DDX19B: variants seen among roughly 807,000 people sequenced by gnomAD.
DDX19B encodes the protein DEAD-box helicase 19B, also known as ATP-dependent RNA helicase DDX19B.
DDX19B carries 27 observed loss-of-function variants against 58.1 expected under a neutral mutation model. The ratio of observed to expected loss-of-function variants is 0.46; its 90% CI spans 0.34 to 0.64. The LOEUF (loss-of-function observed/expected upper bound fraction) is 0.64. DDX19B is among the 30% of genes least tolerant of loss of function. The pLI is 0.01. For missense variants in DDX19B, 399 were observed against 596.5 expected, an observed-to-expected ratio of 0.67 and a Z score of 3.45; for synonymous variants, 187 against 214.4, an observed-to-expected ratio of 0.87 and a Z score of 1.12.
At chr16:70,295,226 C>G (rs1427028130), upstream of DDX19B, among the ~76,000 whole-genome samples, 1 of 152,152 alleles carries the variant, frequency 6.6e-6, no homozygotes, top group East Asian at 1.9e-4. Context: ...CGGAGTCTCA[C>G]AAAGCGCAGG....
intron 5 of DDX19B, among the ~76,000 whole-genome samples, chr16:70,321,015 T>C (rs1462116120): frequency 7.0e-6 from 1 of 142,304 alleles, no homozygotes; most frequent in Non-Finnish European, 1.5e-5. Context: ...CAGGCTGGAG[T>C]GCAATGGCGC....
intron 5 of DDX19B, among the ~76,000 whole-genome samples, chr16:70,322,521 G>A (rs1037318488): frequency 4.6e-5 from 7 of 151,354 alleles, no homozygotes; most frequent in Admixed American, 2.6e-4. Flanking sequence ...TCCGCATAGT[G>A]GCGGTTGCAG....
At chr16:70,311,260 G>C (rs1159552621) in intron 1 of DDX19B, among the ~76,000 whole-genome samples, 1 of 151,690 alleles carries the variant, frequency 6.6e-6, no homozygotes, top group Non-Finnish European at 1.5e-5. Flanking sequence ...GGCGCCTGTA[G>C]TCTCAGCTGC....
chr16:70,334,688 T>C lies in DDX19B; in HGVS notation c.*1106T>C, dbSNP rs1004137969. The C allele has an allele frequency of 5.9e-5, 9 of 152,224 alleles. No homozygotes were observed. Among genetic ancestry groups the C allele is most frequent in the Admixed American group, 1.3e-4 (2 of 15,274 alleles). The allele number at this position is 152,224 out of a possible 1,614,324, so 9.4% of individuals were successfully genotyped here. On this transcript the variant is annotated 3_prime_UTR_variant, in exon 12 of 12. Coordinates refer to ENST00000288071, the MANE Select transcript of DDX19B (RefSeq NM_007242.7). Reference sequence around the variant, plus strand: ...GGTGCAACTGAGGGACTAGCTACACTACCACCATTTATCTGTCCAAGGCAA... The same window carrying C: ...GGTGCAACTGAGGGACTAGCTACACCACCACCATTTATCTGTCCAAGGCAA...
Position 70,314,921 on chromosome 16 carries a change from T to C in DDX19B, c.126T>C (p.Asn42=). Residue 42 remains asparagine (N), a synonymous_variant, in exon 3 of 12, where the codon AAT becomes AAC. Transcript: ENST00000288071. ...ATAAAGGTGCTGTTGTCAAGACCAA[T>C]GCCAATGCAGAGAAGACAGATGAAG... is the stretch of plus-strand genomic sequence containing the variant. The part of the protein sequence containing the change: ...PDTNGAVVKT[N]ANAEKTDEEE... The C allele has an allele frequency of 6.2e-7, 1 of 1,609,400 alleles. No individual in the cohort carries two copies. Among genetic ancestry groups the C allele is most frequent in the Non-Finnish European group, 8.5e-7 (1 of 1,176,980 alleles).
chr16:70,329,518 T>C, intron 8 of DDX19B, 49 bp downstream of exon 8: 1 of 1,607,588 alleles, frequency 6.2e-7, no homozygotes, highest in Non-Finnish European at 8.5e-7. Context: ...ATCTGCAGTG[T>C]CTTCTCCCTT....
At chr16:70,289,898 T>C (rs1209170650), upstream of DDX19B, 16 of 374,530 alleles carry the variant, frequency 4.3e-5, no homozygotes, top group Non-Finnish European at 7.5e-5. Flanking sequence ...TTGTTTATTT[T>C]AGTTGCTGAG....
At chr16:70,322,406 C>G (rs1482712214) in intron 5 of DDX19B, among the ~76,000 whole-genome samples, 5 of 151,884 alleles carry the variant, frequency 3.3e-5, no homozygotes, top group Admixed American at 1.3e-4. Context: ...GCCTGGCCAA[C>G]ATGGCGAAAC....
At chr16:70,297,570 A>T (rs1465692693), upstream of DDX19B, among the ~76,000 whole-genome samples, 1 of 152,092 alleles carries the variant, frequency 6.6e-6, no homozygotes, top group Non-Finnish European at 1.5e-5. Context: ...AGAGGTTGGG[A>T]TTCATTTTTT....
chr16:70,321,592 G>A (rs1043356016), intron 5 of DDX19B, among the ~76,000 whole-genome samples: 29 of 152,112 alleles, frequency 1.9e-4, no homozygotes, highest in African/African-American at 7.0e-4. Flanking sequence ...CTGCCCACAA[G>A]GAGCTTATGT....
chr16:70,316,973 G>C (rs1567630524), intron 4 of DDX19B, among the ~76,000 whole-genome samples: 1 of 152,080 alleles, frequency 6.6e-6, no homozygotes, highest in Admixed American at 6.6e-5. Context: ...TTGGGAGGCT[G>C]AGGCAGGTAG....
chr16:70,303,695 T>C (rs892443363), intron 1 of DDX19B, among the ~76,000 whole-genome samples: 2 of 152,026 alleles, frequency 1.3e-5, no homozygotes, highest in Non-Finnish European at 2.9e-5. Context: ...TAGCTGGGAC[T>C]ACAGGCGCCC....
upstream of DDX19B, among the ~76,000 whole-genome samples, chr16:70,293,851 T>A (rs963805166): frequency 6.6e-6 from 1 of 150,712 alleles, no homozygotes; most frequent in African/African-American, 2.4e-5. Context: ...GACCTCATGA[T>A]CCACCCGCCT....
chr16:70,299,182 G>C, upstream of DDX19B: 1 of 1,385,764 alleles, frequency 7.2e-7, no homozygotes, highest in Non-Finnish European at 9.3e-7. Context: ...GCCGCTTCCG[G>C]TCTGCAGCCT....
At chr16:70,307,205 A>G (rs1483076539) in intron 1 of DDX19B, among the ~76,000 whole-genome samples, 5 of 152,176 alleles carry the variant, frequency 3.3e-5, no homozygotes, top group African/African-American at 4.8e-5. Flanking sequence ...TTGTGTGGAC[A>G]TATAGTTTCA....
At chr16:70,330,845 G>T in intron 9 of DDX19B, among the ~76,000 whole-genome samples, 1 of 151,902 alleles carries the variant, frequency 6.6e-6, no homozygotes, top group Non-Finnish European at 1.5e-5. Context: ...AGGAGTTCAA[G>T]ACCAGCTTGC....
At chr16:70,299,766 C>T (rs1961385964) in intron 1 of DDX19B, among the ~76,000 whole-genome samples, 1 of 152,020 alleles carries the variant, frequency 6.6e-6, no homozygotes. Flanking sequence ...TGTTCCTGGC[C>T]GCCCCGGTTT....
intron 10 of DDX19B, 106 bp downstream of exon 10, chr16:70,331,990 G>A: frequency 6.8e-7 from 1 of 1,476,488 alleles, no homozygotes; most frequent in Non-Finnish European, 9.1e-7. Context: ...TCAGGGAGAT[G>A]GGTGGGGTTG....
chr16:70,316,871 G>C (rs1323068520), intron 4 of DDX19B, among the ~76,000 whole-genome samples: 2 of 151,994 alleles, frequency 1.3e-5, no homozygotes, highest in Admixed American at 6.6e-5. Context: ...AGGAGTTCAA[G>C]ACCAGCGTGG....
Sources: gnomAD v4.1 joint callset for allele counts (sites outside exome capture counted in the v4.1 genomes callset) on GRCh38, gnomAD v4.1.1 for gene constraint, MANE v1.5 for transcripts, NCBI Gene and HGNC (gene_info 2026-07-23, HGNC 2026-07-21) for gene names.